Variants in KCNJ18 observed in about 807,000 individuals in gnomAD.
KCNJ18 encodes inward rectifier potassium channel 18.
Under a neutral mutation model 17.3 loss-of-function variants are expected in KCNJ18, and 16 were observed. That is an observed-to-expected ratio of 0.92 (90% CI 0.62 to 1.40). The LOEUF (loss-of-function observed/expected upper bound fraction) is 1.40. KCNJ18 is among the 40% of genes most tolerant of loss of function. KCNJ18 has a pLI of 0.00. For synonymous variants in KCNJ18, 185 were observed against 262.6 expected, an observed-to-expected ratio of 0.70 and a Z score of 2.86; for missense variants, 462 against 626.8, an observed-to-expected ratio of 0.74 and a Z score of 2.81.
rs1305411992 is a variant in KCNJ18 at position 21,702,782 on chromosome 17, C to T, written c.-5C>T. On this transcript the variant is annotated 5_prime_UTR_variant, in exon 3 of 3. Coordinates refer to ENST00000567955, the MANE Select transcript of KCNJ18 (RefSeq NM_001194958.2). ...GGGGTGAGCCAGGGTCCCCCAACCC[C>T]CGGGATGACCGCGGCCAGCCGGGCC... The T allele has an allele frequency of 1.3e-6, 2 of 1,579,644 alleles. No individual in the cohort carries two copies. Among genetic ancestry groups the T allele is most frequent in the Non-Finnish European group, 1.7e-6 (2 of 1,170,836 alleles).
At chr17:21,702,017 G>A (rs1211690166) in intron 2 of KCNJ18, among the ~76,000 whole-genome samples, 24 of 152,270 alleles carry the variant, frequency 1.6e-4, no homozygotes, top group Admixed American at 5.2e-4. Flanking sequence ...CCCCAGCTAC[G>A]TTATTGTTAT....
chr17:21,703,004 C>T lies in KCNJ18; in HGVS notation c.218C>T (p.Thr73Ile). 1 of 1,611,314 alleles carries T rather than the reference C, an allele frequency of 6.2e-7. No individual in the cohort carries two copies. The highest frequency in any genetic ancestry group is 8.5e-7 in the Non-Finnish European group (1 of 1,179,196). Residue 73 changes from threonine (T) to isoleucine (I), a missense_variant, in exon 3 of 3, where the codon ACC becomes ATC. Thr to Ile is a moderately conservative substitution (Grantham distance 89, BLOSUM62 -1). Around this residue, in one of 5 missense-constraint regions of KCNJ18, gnomAD observed 237 missense variants for 259.4 expected, o/e 0.91. Coordinates refer to ENST00000567955, the MANE Select transcript of KCNJ18 (RefSeq NM_001194958.2). Reference sequence around the variant, plus strand: ...CAGCGCTACCTGGCTGACATGTTCACCACCTGTGTGGACATCCGCTGGCGC... The same window carrying T: ...CAGCGCTACCTGGCTGACATGTTCATCACCTGTGTGGACATCCGCTGGCGC... ...KSQRYLADMF[T>I]TCVDIRWRYM...
intron 2 of KCNJ18, among the ~76,000 whole-genome samples, chr17:21,701,560 G>A (rs1419493807): frequency 1.5e-4 from 23 of 152,196 alleles, no homozygotes; most frequent in African/African-American, 5.3e-4. Context: ...ACCCAGCTTG[G>A]GGTGTTCAAA....
intron 2 of KCNJ18, among the ~76,000 whole-genome samples, chr17:21,698,980 G>T (rs1246178943): frequency 6.6e-6 from 1 of 152,126 alleles, no homozygotes; most frequent in Non-Finnish European, 1.5e-5. Flanking sequence ...TTCCCCTCCC[G>T]GCGACCCTGG....
At chr17:21,694,747 T>A (rs1405654697) in intron 1 of KCNJ18, among the ~76,000 whole-genome samples, 5 of 150,566 alleles carry the variant, frequency 3.3e-5, no homozygotes, top group Non-Finnish European at 7.4e-5. Context: ...CATCCACCTG[T>A]CCATCTATCC....
chr17:21,703,911 C>G lies in KCNJ18; in HGVS notation c.1125C>G (p.Phe375Leu), dbSNP rs1362931587. 1 of 1,612,536 alleles carries G rather than the reference C, an allele frequency of 6.2e-7. No homozygotes were observed. The highest frequency in any genetic ancestry group is 1.7e-5 in the Admixed American group (1 of 60,014). ...NKFLLPSANS[F>L]CYENELAFLS... ...TCCTGCTGCCCAGTGCCAACTCCTT[C>G]TGCTATGAGAACGAGCTGGCCTTCC... The change falls in exon 3 of 3, where the codon TTC (phenylalanine) becomes TTG (leucine). Residue 375 changes from phenylalanine to leucine, a missense_variant. Transcript: ENST00000567955.
chr17:21,701,282 T>C (rs1272438706), intron 2 of KCNJ18, among the ~76,000 whole-genome samples: 4 of 152,304 alleles, frequency 2.6e-5, no homozygotes, highest in African/African-American at 9.6e-5. Flanking sequence ...TGCCTGAATG[T>C]GCAGTAGGCT....
At position 21,701,515 on chromosome 17, in the gene KCNJ18, C is replaced by A. The variant is rs1244717413; in HGVS notation, c.-56-1216C>A. ...GGCACTGCTGGTGACCAAGAAGCTGCAAGCATGGCATGTGGGTGTCAGGAG... is the reference window on the plus strand; with the variant it reads ...GGCACTGCTGGTGACCAAGAAGCTGAAAGCATGGCATGTGGGTGTCAGGAG... On this transcript the variant is annotated intron_variant, in intron 2 of 2. Transcript: ENST00000567955. Among the ~76,000 whole-genome samples, 8 of 151,832 alleles carry A rather than the reference C, an allele frequency of 5.3e-5. No individual in the cohort carries two copies. In the East Asian group the frequency reaches 1.4e-3, roughly 26 times the overall value.
chr17:21,702,566 C>T (rs1189405967), intron 2 of KCNJ18, among the ~76,000 whole-genome samples, 165 bp from the exon 3 acceptor site: 4 of 152,188 alleles, frequency 2.6e-5, no homozygotes, highest in African/African-American at 7.2e-5. Flanking sequence ...GGTGGCCACT[C>T]GCACTGGGAA....
Position 21,703,545 on chromosome 17 carries a change from G to A in KCNJ18, c.759G>A (p.Val253=). ...CGCTGGACCAGATCGACATCGATGT[G>A]GGCTTCGACAAGGGCCTGGACCGCA... ...YIPLDQIDID[V]GFDKGLDRIF... is the part of the protein sequence containing the mutation. The change falls in exon 3 of 3, where the codon GTG becomes GTA. Residue 253 remains valine (V), a synonymous_variant. Transcript: ENST00000567955. The A allele has an allele frequency of 6.2e-7, 1 of 1,610,522 alleles. No homozygotes were observed.
In KCNJ18 at chr17:21,703,625, TC is replaced by T. The variant is rs1367954058; in HGVS notation, c.840del (p.Phe281SerfsTer28). On this transcript the variant is annotated frameshift_variant, in exon 3 of 3. Coordinates refer to ENST00000567955, the MANE Select transcript of KCNJ18 (RefSeq NM_001194958.2). LOFTEE classifies it high-confidence loss of function. Reference protein sequence around the residue: ...ILHEIDEASPLFGISRQDLET... With the variant: ...ILHEIDEASPXFGISRQDLET... The stretch of plus-strand genomic sequence containing the variant: ...CATGAAATTGACGAGGCCAGCCCGC[TC>T]TTCGGCATCAGCCGGCAGGACCTGG... The T allele has an allele frequency of 1.9e-6, 3 of 1,610,920 alleles. No homozygotes were observed. In the African/African-American group the frequency reaches 4.0e-5, roughly 22 times the overall value.
chr17:21,699,068 A>G (rs1905855736), intron 2 of KCNJ18, among the ~76,000 whole-genome samples: 1 of 152,050 alleles, frequency 6.6e-6, no homozygotes, highest in African/African-American at 2.4e-5. Context: ...TGGCCCTGGA[A>G]TTGCTTTGTG....
At chr17:21,701,868 G>A (rs1196159877) in intron 2 of KCNJ18, among the ~76,000 whole-genome samples, 25 of 152,218 alleles carry the variant, frequency 1.6e-4, no homozygotes, top group African/African-American at 3.6e-4. Context: ...CTGAAATTGC[G>A]CCATTGCATT....
chr17:21,693,285 A>G (rs1189533146), intron 1 of KCNJ18, among the ~76,000 whole-genome samples: 5 of 152,404 alleles, frequency 3.3e-5, no homozygotes, highest in Admixed American at 6.5e-5. Context: ...TCTACGTCTC[A>G]GTACCCCTGT....
At chr17:21,694,343 T>C (rs1905691794) in intron 1 of KCNJ18, among the ~76,000 whole-genome samples, 2 of 151,846 alleles carry the variant, frequency 1.3e-5, no homozygotes, top group African/African-American at 4.8e-5. Flanking sequence ...CACGGCACAC[T>C]GGATAGGAAG....
At chr17:21,698,672 G>A (rs1597755914) in intron 2 of KCNJ18, among the ~76,000 whole-genome samples, 5 of 152,200 alleles carry the variant, frequency 3.3e-5, no homozygotes, top group East Asian at 1.9e-4. Context: ...AGTTCCATCC[G>A]GAAGCACCTC....
chr17:21,699,702 A>C (rs1165369869), intron 2 of KCNJ18, among the ~76,000 whole-genome samples: 12 of 152,292 alleles, frequency 7.9e-5, no homozygotes, highest in African/African-American at 2.9e-4. Context: ...GAGGAACGTC[A>C]ACAGAAGTGG....
Position 21,700,058 on chromosome 17 carries a change from C to T in KCNJ18, c.-56-2673C>T, listed in dbSNP as rs1446879966. ...GCCTCCTTCTGGAGGGTCCAGGAAT[C>T]TGGGGCTGAGCCCCTTTCCCAGCAC... On this transcript the variant is annotated intron_variant, in intron 2 of 2. Transcript: ENST00000567955. Among the ~76,000 whole-genome samples, 5 of 152,404 alleles carry T rather than the reference C, an allele frequency of 3.3e-5. No homozygotes were observed. In the South Asian group the frequency reaches 6.2e-4, roughly 19 times the overall value.
intron 1 of KCNJ18, among the ~76,000 whole-genome samples, chr17:21,694,271 T>C (rs1322471952): frequency 6.6e-6 from 1 of 151,924 alleles, no homozygotes; most frequent in Non-Finnish European, 1.5e-5. Context: ...GTGAGAAGCA[T>C]GTCAGGTGGC....
Sources: allele counts gnomAD v4.1 joint callset (sites outside exome capture counted in the v4.1 genomes callset), GRCh38; gene constraint gnomAD v4.1.1; regional missense constraint gnomAD v4.1.1; transcripts MANE v1.5; gene names NCBI Gene and HGNC (gene_info 2026-07-23, HGNC 2026-07-21).